Variants in SAP30BP observed in about 807,000 individuals in gnomAD.
The protein encoded by SAP30BP is SAP30-binding protein.
SAP30BP carries 31 observed loss-of-function variants against 46.3 expected under a neutral mutation model. That is an observed-to-expected ratio of 0.67 (90% CI 0.50 to 0.90). The LOEUF (loss-of-function observed/expected upper bound fraction) is 0.90. SAP30BP is among the 40% of genes least tolerant of loss of function. The probability of loss-of-function intolerance (pLI) is 0.00; values close to 1 mark genes in which losing one functional copy is unlikely to be tolerated. For missense variants in SAP30BP, 312 were observed against 391.0 expected (o/e 0.80, Z 1.70); for synonymous variants, 169 against 144.2 (o/e 1.17, Z -1.23).
chr17:75,696,305 C>T (rs930973370), intron 4 of SAP30BP, among the ~76,000 whole-genome samples: 4 of 150,664 alleles, frequency 2.7e-5, no homozygotes, highest in Admixed American at 2.0e-4. Context: ...GAGGCTGAGG[C>T]GGGCAGATCA....
rs560595363 is a variant in SAP30BP, at chr17:75,690,635, A to T, written c.265-2805A>T. The T allele has an allele frequency of 1.1e-4, 51 of 455,698 alleles. 1 individual carries two copies. Among genetic ancestry groups the T allele is most frequent in the South Asian group, 6.0e-4 (39 of 64,492 alleles). The allele number at this position is 455,698 out of a possible 1,614,324, so 28.2% of individuals were successfully genotyped here. The stretch of plus-strand genomic sequence containing the variant: ...CGCCTGACCAAGCGAGCACTTTAGG[A>T]TCCAGAGAACTTAGGTTGTTGTCTT... On this transcript the variant is annotated intron_variant, in intron 3 of 10. Coordinates refer to ENST00000584667, the MANE Select transcript of SAP30BP (RefSeq NM_013260.8).
intron 3 of SAP30BP, chr17:75,692,045 T>G (rs1317718330): frequency 5.4e-6 from 1 of 184,340 alleles, no homozygotes; most frequent in African/African-American, 2.4e-5. Context: ...CCCAGCCTCC[T>G]CTTTGCCCAC....
At chr17:75,697,188 TC>T (rs2060335605) in intron 4 of SAP30BP, among the ~76,000 whole-genome samples, 1 of 152,212 alleles carries the variant, frequency 6.6e-6, no homozygotes, top group African/African-American at 2.4e-5. Context: ...CAAAGGGCAC[TC>T]TTTGTCTCTC....
In SAP30BP at chr17:75,706,050, G is replaced by A. The variant is rs913017305; in HGVS notation, c.703G>A (p.Ala235Thr). Residue 235 changes from alanine (A) to threonine (T), a missense_variant, in exon 10 of 11, where the codon GCC (alanine) becomes ACC (threonine). Physicochemically the swap from Ala to Thr is moderately conservative, Grantham distance 58. Transcript: ENST00000584667. The surrounding 1 kb of genome is among the most constrained non-coding windows in gnomAD (Gnocchi z 4.6). ...TGTKKGTTTNATSTTTTTAST... is the reference protein window; with the variant it reads ...TGTKKGTTTNTTSTTTTTAST... ...CACCAAAAAAGGCACCACGACCAAC[G>A]CCACGTCCACCACCACTACCACTGC... is the stretch of plus-strand genomic sequence containing the variant. 8.1e-6 allele frequency: 13 copies of A among 1,613,548 alleles called. No homozygotes were observed. Among genetic ancestry groups the A allele is most frequent in the Admixed American group, 3.3e-5 (2 of 59,976 alleles).
At chr17:75,685,557 T>C (rs1164920655) in intron 3 of SAP30BP, among the ~76,000 whole-genome samples, 1 of 152,192 alleles carries the variant, frequency 6.6e-6, no homozygotes, top group Non-Finnish European at 1.5e-5. Context: ...GAGATGTTGA[T>C]GTAACTAACT....
chr17:75,695,429 T>C (rs76931211), intron 4 of SAP30BP, among the ~76,000 whole-genome samples: 1,715 of 152,324 alleles, frequency 0.011, 15 homozygotes, highest in Non-Finnish European at 0.016. Flanking sequence ...GACTCATCCA[T>C]GTAGTTGGGC....
At position 75,706,714 on chromosome 17, in the gene SAP30BP, G is replaced by A. The variant is rs555731253; in HGVS notation, c.*193G>A. 2 of 597,572 alleles carry A rather than the reference G, an allele frequency of 3.3e-6. No homozygotes were observed. The highest frequency in any genetic ancestry group is 3.0e-5 in the Admixed American group (1 of 32,950). 37.0% of individuals were successfully genotyped at this position (597,572 alleles called of 1,614,324 possible). A position where few individuals can be genotyped will look rare whatever the true frequency, so the allele number is the denominator to read the frequency against. ...GGCGCTGTGGACAGGGTCTGTCCAC[G>A]CACCACCTGGGGTCTGCCGCCTATT... On this transcript the variant is annotated 3_prime_UTR_variant, in exon 11 of 11. Transcript: ENST00000584667. This position sits in a 1 kb window ranked among gnomAD's most constrained non-coding sequence, Gnocchi z 4.6.
rs754133880 is a variant in SAP30BP, at chr17:75,706,456, G to A, written c.862G>A (p.Ala288Thr). Reference protein sequence around the residue: ...LPAVVTVTTSASGSKTTVISA... With the variant: ...LPAVVTVTTSTSGSKTTVISA... ...AGCTGTTGTCACGGTCACCACCAGC[G>A]CCAGCGGCTCCAAGACCACCGTCAT... The change falls in exon 11 of 11, where the codon GCC becomes ACC. Residue 288 changes from alanine (A) to threonine (T), a missense_variant. By Grantham distance (58) the Ala-to-Thr change is moderately conservative (BLOSUM62 0). Transcript: ENST00000584667. This position sits in a 1 kb window ranked among gnomAD's most constrained non-coding sequence, Gnocchi z 4.6. 6 of 1,613,968 alleles carry A rather than the reference G, an allele frequency of 3.7e-6. No homozygotes were observed. Among genetic ancestry groups the A allele is most frequent in the South Asian group, 3.3e-5 (3 of 91,080 alleles).
chr17:75,702,313 C>T lies in SAP30BP; in HGVS notation c.397-167C>T, dbSNP rs918074333. On this transcript the variant is annotated intron_variant, in intron 5 of 10. Transcript: ENST00000584667. Reference sequence around the variant, plus strand: ...TTCTGGGATTACAGGCGTGAGCCACCGTGCCTGGCTGAGGATAGGTTAAAT... The same window carrying T: ...TTCTGGGATTACAGGCGTGAGCCACTGTGCCTGGCTGAGGATAGGTTAAAT... Among the ~76,000 whole-genome samples, 58 of 136,850 alleles carry T rather than the reference C, an allele frequency of 4.2e-4. 1 individual carries two copies. Among genetic ancestry groups the T allele is most frequent in the South Asian group, 1.6e-3 (7 of 4,412 alleles). The allele number at this position is 136,850 out of a possible 152,430, so 89.8% of individuals were successfully genotyped here.
chr17:75,694,631 G>A (rs2060288403), intron 4 of SAP30BP, among the ~76,000 whole-genome samples: 1 of 151,424 alleles, frequency 6.6e-6, no homozygotes, highest in Non-Finnish European at 1.5e-5. Flanking sequence ...GCCGGCCCAA[G>A]GGGGCGATCC....
intron 4 of SAP30BP, among the ~76,000 whole-genome samples, chr17:75,697,221 C>T (rs1479981382): frequency 1.3e-5 from 2 of 152,208 alleles, no homozygotes; most frequent in East Asian, 3.9e-4. Context: ...CAGATAGGTT[C>T]TCTCCAGCCC....
chr17:75,703,394 G>T, intron 7 of SAP30BP, 23 bp downstream of exon 7: 1 of 1,610,202 alleles, frequency 6.2e-7, no homozygotes, highest in Non-Finnish European at 8.5e-7. Flanking sequence ...CACGGGGCTG[G>T]AGGGTGATGG....
intron 3 of SAP30BP, among the ~76,000 whole-genome samples, chr17:75,676,859 G>A (rs1319973859): frequency 6.6e-6 from 1 of 152,132 alleles, no homozygotes; most frequent in Non-Finnish European, 1.5e-5. Flanking sequence ...ATAGGAAAAA[G>A]ACATAGTATG....
intron 3 of SAP30BP, among the ~76,000 whole-genome samples, chr17:75,674,705 T>G (rs1460332412): frequency 7.7e-5 from 9 of 116,778 alleles, no homozygotes; most frequent in South Asian, 6.2e-4. Flanking sequence ...TTGTTTTTTT[T>G]TTTTTTTTTT....
chr17:75,686,734 A>G (rs2060163302), intron 3 of SAP30BP, among the ~76,000 whole-genome samples: 7 of 152,170 alleles, frequency 4.6e-5, no homozygotes, highest in Admixed American at 4.6e-4. Flanking sequence ...ATACAACTAA[A>G]GGAAATGTGC....
intron 4 of SAP30BP, among the ~76,000 whole-genome samples, chr17:75,698,023 C>G (rs922715814): frequency 3.9e-5 from 6 of 152,342 alleles, no homozygotes; most frequent in African/African-American, 1.4e-4. Flanking sequence ...CCTGCCCCAC[C>G]CTGCCCTGGC....
At chr17:75,704,916 C>T in intron 9 of SAP30BP, 102 bp downstream of exon 9, 1 of 902,234 alleles carries the variant, frequency 1.1e-6, no homozygotes, top group Non-Finnish European at 1.8e-6. Flanking sequence ...AACCCTGGCC[C>T]CGTGTCATCA....
At chr17:75,691,495 C>T (rs1264714134) in intron 3 of SAP30BP, 4 of 456,574 alleles carry the variant, frequency 8.8e-6, no homozygotes, top group Non-Finnish European at 1.8e-5. Flanking sequence ...CGGGGAGGCT[C>T]CTGGCCTCTT....
intron 2 of SAP30BP, among the ~76,000 whole-genome samples, chr17:75,670,307 G>A (rs1274201939): frequency 6.6e-6 from 1 of 151,838 alleles, no homozygotes; most frequent in Non-Finnish European, 1.5e-5. Flanking sequence ...GGGCAACAGA[G>A]CCAGACTCCA....
Sources: allele counts gnomAD v4.1 joint callset (sites outside exome capture counted in the v4.1 genomes callset), GRCh38; gene constraint gnomAD v4.1.1; non-coding constraint Gnocchi (gnomAD v3.1); transcripts MANE v1.5; gene names NCBI Gene and HGNC (gene_info 2026-07-23, HGNC 2026-07-21).